Variants in NTM observed in about 807,000 individuals in gnomAD.
NTM encodes IgLON family member 2.
Under a neutral mutation model 42.1 loss-of-function variants are expected in NTM, and 13 were observed. That is an observed-to-expected ratio of 0.31 (90% confidence interval 0.20 to 0.49). NTM has a LOEUF of 0.49. Ranked by LOEUF, NTM falls within the 20% of genes least tolerant of loss-of-function variation. NTM has a pLI of 0.99. For missense variants in NTM, 373 were observed against 452.8 expected, an observed-to-expected ratio of 0.82 and a Z score of 1.60; for synonymous variants, 187 against 179.2, an observed-to-expected ratio of 1.04 and a Z score of -0.35.
At chr11:131,977,369 A>C (rs949446254) in intron 2 of NTM, among the ~76,000 whole-genome samples, 1 of 152,214 alleles carries the variant, frequency 6.6e-6, no homozygotes, top group African/African-American at 2.4e-5. Context: ...GAGCTGGTGT[A>C]TGTCATGCAA....
At chr11:131,401,820 A>ATATATATATATATATGTGTG (rs1565465380) in intron 1 of NTM, among the ~76,000 whole-genome samples, 1 of 49,914 alleles carries the variant, frequency 2.0e-5, no homozygotes, top group African/African-American at 9.1e-5. Context: ...ATATATATAT[A>ATATATATATATATATGTGTG]TATATATATA....
intron 1 of NTM, among the ~76,000 whole-genome samples, chr11:131,852,965 T>C (rs1001915678): frequency 7.0e-6 from 1 of 143,352 alleles, no homozygotes; most frequent in Non-Finnish European, 1.5e-5. Context: ...CACTCATCCA[T>C]CCACCCATTT....
intron 1 of NTM, among the ~76,000 whole-genome samples, chr11:131,427,933 G>A (rs1416275124): frequency 6.6e-6 from 1 of 152,058 alleles, no homozygotes; most frequent in Non-Finnish European, 1.5e-5. Context: ...TATCTGTTGA[G>A]GTTTCATCCT....
chr11:132,004,597 TTCTCTCTTTC>T (rs893420114), intron 2 of NTM, among the ~76,000 whole-genome samples: 7 of 92,454 alleles, frequency 7.6e-5, no homozygotes, highest in African/African-American at 1.8e-4. Context: ...TTCTCTCTCT[TTCTCTCTTTC>T]TCTCTCTCTC....
At chr11:132,301,991 T>G (rs151306846) in intron 4 of NTM, among the ~76,000 whole-genome samples, 234 of 152,294 alleles carry the variant, frequency 1.5e-3, no homozygotes, top group African/African-American at 5.4e-3. Flanking sequence ...GTTATAAAGA[T>G]TTTTAATGCC....
At chr11:132,131,087 T>C (rs2066736958) in intron 2 of NTM, among the ~76,000 whole-genome samples, 1 of 152,262 alleles carries the variant, frequency 6.6e-6, no homozygotes, top group East Asian at 1.9e-4. Flanking sequence ...AACATTGTCA[T>C]GAAATGTCTG....
chr11:132,038,569 TTAAG>T (rs555433666), intron 2 of NTM, among the ~76,000 whole-genome samples: 63 of 152,290 alleles, frequency 4.1e-4, no homozygotes, highest in African/African-American at 1.4e-3. Context: ...GTTTAGAGGA[TTAAG>T]TGAGCAAGTG....
chr11:131,590,690 T>A (rs556362967), intron 1 of NTM, among the ~76,000 whole-genome samples: 1 of 152,220 alleles, frequency 6.6e-6, no homozygotes, highest in Non-Finnish European at 1.5e-5. Context: ...TAGAATACTA[T>A]TAAAACTCAT....
At chr11:131,813,794 C>A (rs1015099637) in intron 1 of NTM, among the ~76,000 whole-genome samples, 6 of 152,140 alleles carry the variant, frequency 3.9e-5, no homozygotes, top group Admixed American at 1.3e-4. Context: ...TGGTTAGGAC[C>A]AGAACCTCTA....
At position 131,422,604 on chromosome 11, in the gene NTM, G is replaced by A. The variant is rs146655357; in HGVS notation, c.82+51716G>A. ...CAAAGTAAATTGGGCCATCCTCCCC[G>A]CTCCAAATCATACAGAACCTGAGCA... is the stretch of plus-strand genomic sequence containing the variant. On this transcript the variant is annotated intron_variant, in intron 1 of 8. Transcript: ENST00000683400. Among the ~76,000 whole-genome samples, 901 of 152,224 alleles carry A rather than the reference G, an allele frequency of 5.9e-3. 11 individuals are homozygous for A. The highest frequency in any genetic ancestry group is 0.021 in the African/African-American group (867 of 41,524).
At chr11:131,749,321 A>C (rs951221601) in intron 1 of NTM, among the ~76,000 whole-genome samples, 1 of 152,222 alleles carries the variant, frequency 6.6e-6, no homozygotes, top group Admixed American at 6.5e-5. Flanking sequence ...GGAATGATAC[A>C]GATATCCACT....
intron 1 of NTM, among the ~76,000 whole-genome samples, chr11:131,726,427 G>A (rs1325825477): frequency 6.9e-6 from 1 of 145,652 alleles, no homozygotes; most frequent in African/African-American, 2.8e-5. Context: ...TCCTCTAATG[G>A]CATCTAGAGA....
Position 131,950,005 on chromosome 11 carries a change from C to G in NTM, c.167+38357C>G, listed in dbSNP as rs189570124. Among the ~76,000 whole-genome samples, 319 of 152,284 alleles carry G rather than the reference C, an allele frequency of 2.1e-3. 1 individual carries two copies. The highest frequency in any genetic ancestry group is 6.8e-3 in the Middle Eastern group (2 of 294). On this transcript the variant is annotated intron_variant, in intron 2 of 8. Coordinates refer to ENST00000683400, the MANE Select transcript of NTM (RefSeq NM_001352005.2). ...TGAAGGATGCTTCTCTGTTTTGTTT[C>G]CTTCCCTATCTTGACTACCTTGGTG...
At chr11:132,235,250 T>C (rs2088553830) in intron 4 of NTM, among the ~76,000 whole-genome samples, 1 of 152,248 alleles carries the variant, frequency 6.6e-6, no homozygotes, top group South Asian at 2.1e-4. Context: ...ATGAGAAATG[T>C]TGGAGCCTCC....
intron 1 of NTM, chr11:131,536,555 GA>G (rs2052263185): frequency 6.6e-6 from 1 of 152,096 alleles, no homozygotes. Context: ...TTACAGTTAA[GA>G]CCCATAAACC....
At chr11:132,252,582 G>A (rs2092064161) in intron 4 of NTM, among the ~76,000 whole-genome samples, 1 of 152,222 alleles carries the variant, frequency 6.6e-6, no homozygotes, top group Non-Finnish European at 1.5e-5. Context: ...ATGTAGATGG[G>A]TAGATGAATA....
At chr11:131,793,033 G>T (rs570777282) in intron 1 of NTM, among the ~76,000 whole-genome samples, 8 of 152,368 alleles carry the variant, frequency 5.3e-5, no homozygotes, top group African/African-American at 7.2e-5. Context: ...TCCCATTAAA[G>T]TGAAGGCCCT....
At chr11:132,054,202 G>A (rs1251698897) in intron 2 of NTM, among the ~76,000 whole-genome samples, 6 of 152,196 alleles carry the variant, frequency 3.9e-5, no homozygotes. Context: ...GCAAAAGAGT[G>A]AGACTGTCTC....
chr11:132,183,319 C>G (rs2077867683), intron 3 of NTM, among the ~76,000 whole-genome samples: 1 of 152,170 alleles, frequency 6.6e-6, no homozygotes, highest in African/African-American at 2.4e-5. Flanking sequence ...TTGGCAGTGA[C>G]CAAACAGGCT....
Sources: gnomAD v4.1 joint callset for allele counts (sites outside exome capture counted in the v4.1 genomes callset) on GRCh38, gnomAD v4.1.1 for gene constraint, MANE v1.5 for transcripts, NCBI Gene and HGNC (gene_info 2026-07-23, HGNC 2026-07-21) for gene names.